Variants in CNTLN observed in about 807,000 individuals in gnomAD.
CNTLN encodes the protein centlein.
Under a neutral mutation model 180.0 loss-of-function variants are expected in CNTLN, and 212 were observed. The ratio of observed to expected loss-of-function variants is 1.18; its 90% CI spans 1.05 to 1.32. The LOEUF is 1.32. CNTLN is among the 40% of genes most tolerant of loss of function. CNTLN has a pLI of 0.00. For missense variants in CNTLN, 2,095 were observed against 1,610.9 expected (o/e 1.30, Z -5.14); for synonymous variants, 722 against 563.1 (o/e 1.28, Z -3.99).
At chr9:17,434,711 A>C (rs1249427440) in intron 18 of CNTLN, among the ~76,000 whole-genome samples, 1 of 152,076 alleles carries the variant, frequency 6.6e-6, no homozygotes, top group Admixed American at 6.5e-5. Flanking sequence ...AGTGTTTTAT[A>C]GTATTTGGTA....
intron 8 of CNTLN, among the ~76,000 whole-genome samples, chr9:17,317,653 T>C (rs1819619806): frequency 6.6e-6 from 1 of 152,160 alleles, no homozygotes; most frequent in Non-Finnish European, 1.5e-5. Context: ...TTTTTGTGTA[T>C]GGTGGCAGAA....
chr9:17,197,875 G>C (rs1216989660), intron 2 of CNTLN, among the ~76,000 whole-genome samples: 1 of 152,170 alleles, frequency 6.6e-6, no homozygotes, highest in African/African-American at 2.4e-5. Context: ...TGAGGTCTGA[G>C]ATTTAAGTGT....
chr9:17,170,898 C>G (rs912219985), intron 2 of CNTLN, among the ~76,000 whole-genome samples: 5 of 152,102 alleles, frequency 3.3e-5, no homozygotes, highest in Non-Finnish European at 7.3e-5. Flanking sequence ...TGCACAAATA[C>G]TTACCATTGT....
At chr9:17,196,130 TCTC>T (rs1325916832) in intron 2 of CNTLN, among the ~76,000 whole-genome samples, 5 of 152,136 alleles carry the variant, frequency 3.3e-5, no homozygotes, top group African/African-American at 4.8e-5. Flanking sequence ...TTCAAGCAGT[TCTC>T]CTGGCTCAGC....
At chr9:17,381,478 AG>A (rs1359311921) in intron 13 of CNTLN, among the ~76,000 whole-genome samples, 14 of 152,240 alleles carry the variant, frequency 9.2e-5, no homozygotes. Context: ...AGGTTATGCC[AG>A]GTGGCAGTTT....
intron 2 of CNTLN, among the ~76,000 whole-genome samples, chr9:17,192,756 A>G (rs1821870202): frequency 6.6e-6 from 1 of 152,240 alleles, no homozygotes; most frequent in Non-Finnish European, 1.5e-5. Context: ...GAAAAAGAAG[A>G]CAACAAGTGA....
At chr9:17,181,898 G>C (rs889015751) in intron 2 of CNTLN, among the ~76,000 whole-genome samples, 4 of 152,186 alleles carry the variant, frequency 2.6e-5, no homozygotes, top group Non-Finnish European at 5.9e-5. Flanking sequence ...GGGAGGAAGG[G>C]AGCCTTGTTA....
At chr9:17,366,016 T>A (rs1446869018) in intron 12 of CNTLN, among the ~76,000 whole-genome samples, 1 of 152,200 alleles carries the variant, frequency 6.6e-6, no homozygotes, top group Non-Finnish European at 1.5e-5. Context: ...ATTTTAAGTG[T>A]TTAGCATGTT....
At chr9:17,360,067 A>G (rs1823238817) in intron 12 of CNTLN, among the ~76,000 whole-genome samples, 1 of 152,102 alleles carries the variant, frequency 6.6e-6, no homozygotes, top group Admixed American at 6.6e-5. Context: ...TAAGTATTGT[A>G]TGTTGCAATA....
At chr9:17,479,945 G>T (rs766537300) in intron 23 of CNTLN, among the ~76,000 whole-genome samples, 10 of 152,154 alleles carry the variant, frequency 6.6e-5, no homozygotes, top group Non-Finnish European at 1.2e-4. Flanking sequence ...GGACTAGCTT[G>T]TACCACAAGA....
intron 23 of CNTLN, among the ~76,000 whole-genome samples, chr9:17,479,042 A>G (rs917417760): frequency 1.3e-5 from 2 of 152,224 alleles, no homozygotes; most frequent in African/African-American, 2.4e-5. Context: ...AAAAAAGATA[A>G]TAAGTGTGAG....
the CNTLN span, among the ~76,000 whole-genome samples, chr9:17,512,611 A>G: frequency 6.9e-6 from 1 of 145,360 alleles, no homozygotes; most frequent in Admixed American, 7.2e-5. Context: ...ACATCCATGT[A>G]ACAAACTTGC....
chr9:17,162,635 T>A (rs548098700), intron 2 of CNTLN, among the ~76,000 whole-genome samples: 2 of 152,310 alleles, frequency 1.3e-5, no homozygotes, highest in South Asian at 4.1e-4. Context: ...ATAGGTGGTA[T>A]AATTAATTAT....
chr9:17,407,801 C>T (rs1436629088), intron 15 of CNTLN, among the ~76,000 whole-genome samples: 1 of 152,084 alleles, frequency 6.6e-6, no homozygotes, highest in African/African-American at 2.4e-5. Flanking sequence ...GGACATGATG[C>T]TCCATCATGA....
intron 2 of CNTLN, among the ~76,000 whole-genome samples, chr9:17,197,959 T>G (rs1822243352): frequency 6.6e-6 from 1 of 152,196 alleles, no homozygotes; most frequent in African/African-American, 2.4e-5. Context: ...CATATGTATA[T>G]CCAGTTTTCC....
intron 10 of CNTLN, among the ~76,000 whole-genome samples, chr9:17,338,114 C>G (rs1339609343): frequency 7.0e-6 from 1 of 142,150 alleles, no homozygotes; most frequent in Non-Finnish European, 1.5e-5. Flanking sequence ...GTTAATTTCC[C>G]TCCCTCCTTC....
At chr9:17,520,226 C>A in the CNTLN span, among the ~76,000 whole-genome samples, 1 of 152,168 alleles carries the variant, frequency 6.6e-6, no homozygotes, top group Non-Finnish European at 1.5e-5. Context: ...TCTGTAATAG[C>A]CACCTATAGT....
At chr9:17,425,778 G>T (rs1829041549) in intron 18 of CNTLN, among the ~76,000 whole-genome samples, 1 of 152,138 alleles carries the variant, frequency 6.6e-6, no homozygotes, top group Admixed American at 6.5e-5. Context: ...TTGTGTTCTA[G>T]TGTTTTGTAG....
chr9:17,153,585 C>T (rs1475029666), intron 2 of CNTLN, among the ~76,000 whole-genome samples: 3 of 152,154 alleles, frequency 2.0e-5, no homozygotes, highest in Admixed American at 6.6e-5. Flanking sequence ...CTGCCCTTAA[C>T]ATTTTTTCTT....
Sources: gnomAD v4.1 joint callset for allele counts (sites outside exome capture counted in the v4.1 genomes callset) on GRCh38, gnomAD v4.1.1 for gene constraint, MANE v1.5 for transcripts, NCBI Gene and HGNC (gene_info 2026-07-23, HGNC 2026-07-21) for gene names.